IQCH: variants seen among roughly 807,000 people sequenced by gnomAD.
IQCH encodes IQ domain-containing protein H.
A neutral mutation model predicts 117.0 loss-of-function variants in IQCH; 98 were observed. The ratio of observed to expected loss-of-function variants is 0.84; its 90% CI spans 0.71 to 0.99. The LOEUF (loss-of-function observed/expected upper bound fraction) is 0.99. Ranked by LOEUF, IQCH falls within the 50% of genes least tolerant of loss-of-function variation. The pLI is 0.00. For synonymous variants in IQCH, 412 were observed against 448.2 expected, an observed-to-expected ratio of 0.92 and a Z score of 1.02; for missense variants, 1,102 against 1,243.8, an observed-to-expected ratio of 0.89 and a Z score of 1.72.
chr15:67,297,180 G>C (rs1966857738), intron 4 of IQCH, among the ~76,000 whole-genome samples: 1 of 152,154 alleles, frequency 6.6e-6, no homozygotes. Context: ...GGAGGTAATA[G>C]AGCATAGAAT....
At chr15:67,330,627 A>G (rs1968623409) in intron 4 of IQCH, among the ~76,000 whole-genome samples, 1 of 152,218 alleles carries the variant, frequency 6.6e-6, no homozygotes, top group Non-Finnish European at 1.5e-5. Flanking sequence ...GCTTGGTGAA[A>G]GCATCAGAAA....
At chr15:67,259,654 C>T (rs1334965142) in intron 1 of IQCH, among the ~76,000 whole-genome samples, 1 of 152,184 alleles carries the variant, frequency 6.6e-6, no homozygotes, top group Non-Finnish European at 1.5e-5. Flanking sequence ...CAGAAAGATA[C>T]ATGGAGCTAC....
At chr15:67,308,679 AGGT>A (rs911710435) in intron 4 of IQCH, among the ~76,000 whole-genome samples, 1 of 151,746 alleles carries the variant, frequency 6.6e-6, no homozygotes, top group South Asian at 2.1e-4. Context: ...ATGGCAGTGA[AGGT>A]GGTGGTGGTG....
Position 67,481,897 on chromosome 15 carries a change from C to T in IQCH, c.2799+6079C>T, listed in dbSNP as rs765107076. On this transcript the variant is annotated intron_variant, in intron 18 of 20. Coordinates refer to ENST00000335894, the MANE Select transcript of IQCH (RefSeq NM_001031715.3). This position sits in a 1 kb window ranked among gnomAD's most constrained non-coding sequence, Gnocchi z 4.1. ...TAAGACTTAAAACAACCCTTGGGCC[C>T]TCAACTATCTACAGGCAGGAAGTGG... is the stretch of plus-strand genomic sequence containing the variant. Among the ~76,000 whole-genome samples the T allele has an allele frequency of 6.2e-4, 94 of 152,182 alleles. No homozygotes were observed. The highest frequency in any genetic ancestry group is 1.2e-3 in the Non-Finnish European group (80 of 68,040).
Position 67,400,118 on chromosome 15 carries a change from T to C in IQCH, c.1910T>C (p.Ile637Thr). ...GCTGTGTCTTTGGCCTCACAGATGA[T>C]AGAGCAGCTGAGTCAGCTGATAACT... ...IYDIYSQQQMIEQLSQLITDH... is the reference protein window; with the variant it reads ...IYDIYSQQQMTEQLSQLITDH... Residue 637 changes from isoleucine (I) to threonine (T), a missense_variant, in exon 14 of 21, where the codon ATA becomes ACA. This residue lies in a region of IQCH where 650 missense variants were observed against 794.3 expected (regional missense o/e 0.82). Coordinates refer to ENST00000335894, the MANE Select transcript of IQCH (RefSeq NM_001031715.3). 17 of 1,613,160 alleles carry C rather than the reference T, an allele frequency of 1.1e-5. No homozygotes were observed. Among genetic ancestry groups the C allele is most frequent in the Non-Finnish European group, 1.4e-5 (16 of 1,179,322 alleles).
Position 67,366,818 on chromosome 15 carries a change from A to G in IQCH, c.754-5293A>G, listed in dbSNP as rs1055807582. Among the ~76,000 whole-genome samples, 1 of 152,160 alleles carries G rather than the reference A, an allele frequency of 6.6e-6. No individual in the cohort carries two copies. The highest frequency in any genetic ancestry group is 2.4e-5 in the African/African-American group (1 of 41,432). ...TTCTCTCCCCATGACCACCTTTACC[A>G]TTAGGTGGTGTGGGCAGTCGTTCAT... On this transcript the variant is annotated intron_variant, in intron 8 of 20. Transcript: ENST00000335894. The surrounding 1 kb of genome is among the most constrained non-coding windows in gnomAD (Gnocchi z 4.4).
rs1345188492 is a variant in IQCH at position 67,494,225 on chromosome 15, T to C, written c.2862-33T>C. 1.3e-6 allele frequency: 2 copies of C among 1,504,682 alleles called. No homozygotes were observed. The highest frequency in any genetic ancestry group is 4.6e-5 in the East Asian group (2 of 43,278). The allele number at this position is 1,504,682 out of a possible 1,614,324, so 93.2% of individuals were successfully genotyped here. ...TTTTTAAGCATGTGAAGGGAATCGT[T>C]GGTAAACTCATTTGTTTGGATATCA... On this transcript the variant is annotated intron_variant, in intron 19 of 20. Transcript: ENST00000335894. The surrounding 1 kb of genome is among the most constrained non-coding windows in gnomAD (Gnocchi z 5.5).
intron 16 of IQCH, among the ~76,000 whole-genome samples, chr15:67,440,694 A>G (rs1567190911): frequency 2.0e-5 from 3 of 152,150 alleles, no homozygotes; most frequent in African/African-American, 7.2e-5. Context: ...TGTCAGCAAA[A>G]TCGGCATACA....
intron 4 of IQCH, among the ~76,000 whole-genome samples, chr15:67,295,942 C>G (rs1966849768): frequency 1.3e-5 from 2 of 152,178 alleles, no homozygotes; most frequent in Non-Finnish European, 2.9e-5. Flanking sequence ...TAATTGTTGT[C>G]TCCTCAGAGA....
At chr15:67,346,638 A>G (rs928152650) in intron 6 of IQCH, among the ~76,000 whole-genome samples, 1 of 152,224 alleles carries the variant, frequency 6.6e-6, no homozygotes, top group African/African-American at 2.4e-5. Context: ...AATGGGCCAC[A>G]GTACCCAGTC....
chr15:67,269,758 A>ACTTT, intron 3 of IQCH, among the ~76,000 whole-genome samples: 1 of 88,030 alleles, frequency 1.1e-5, no homozygotes. Context: ...TTCTGTACTT[A>ACTTT]TTTCACTCAA....
chr15:67,256,532 C>T (rs575353821), intron 1 of IQCH, among the ~76,000 whole-genome samples: 5 of 152,340 alleles, frequency 3.3e-5, no homozygotes, highest in African/African-American at 9.6e-5. Flanking sequence ...GACAAAGACA[C>T]TTCTATCAGG....
intron 1 of IQCH, among the ~76,000 whole-genome samples, chr15:67,256,291 T>G (rs528142155): frequency 6.6e-6 from 1 of 152,218 alleles, no homozygotes; most frequent in Non-Finnish European, 1.5e-5. Context: ...AGCCATGATA[T>G]GTGACAATAT....
chr15:67,262,991 G>A, intron 2 of IQCH, 131 bp from the exon 3 acceptor site: 2 of 652,140 alleles, frequency 3.1e-6, no homozygotes, highest in South Asian at 3.4e-5. Flanking sequence ...GATACCTTAG[G>A]CACGTAATAA....
At chr15:67,262,318 TG>T (rs1156660636) in intron 2 of IQCH, among the ~76,000 whole-genome samples, 3 of 152,220 alleles carry the variant, frequency 2.0e-5, no homozygotes, top group Non-Finnish European at 4.4e-5. Context: ...AACAAGCTAA[TG>T]GGGTCCATCT....
Position 67,404,255 on chromosome 15 carries a change from CCTTTTAGAA to C in IQCH, c.2097+3953_2097+3961del, listed in dbSNP as rs1971789671. Reference sequence around the variant, plus strand: ...AGAATAAACCACAGTTGTTTTGCCTCCTTTTAGAACTAAGGCAGCAAACAGAAAACACAA... The same window carrying C: ...AGAATAAACCACAGTTGTTTTGCCTCCTAAGGCAGCAAACAGAAAACACAA... On this transcript the variant is annotated intron_variant, in intron 14 of 20. Transcript: ENST00000335894. The surrounding 1 kb of genome is among the most constrained non-coding windows in gnomAD (Gnocchi z 4.6). 1 of 152,168 alleles carries C rather than the reference CCTTTTAGAA, an allele frequency of 6.6e-6. No homozygotes were observed. Among genetic ancestry groups the C allele is most frequent in the South Asian group, 2.1e-4 (1 of 4,826 alleles). The allele number at this position is 152,168 out of a possible 1,614,324, so 9.4% of individuals were successfully genotyped here. A position where few individuals can be genotyped will look rare whatever the true frequency, so the allele number is the denominator to read the frequency against.
intron 4 of IQCH, among the ~76,000 whole-genome samples, chr15:67,295,952 A>G (rs1242323313): frequency 6.6e-6 from 1 of 152,160 alleles, no homozygotes; most frequent in African/African-American, 2.4e-5. Flanking sequence ...CTCCTCAGAG[A>G]GGCTGTTCTT....
At chr15:67,487,645 G>A (rs7172882) in intron 18 of IQCH, among the ~76,000 whole-genome samples, 132,348 of 152,108 alleles carry the variant, frequency 0.87, 57,656 homozygotes, top group African/African-American at 0.91. Context: ...CCGAGACCAA[G>A]TAAATCAGCA....
intron 4 of IQCH, among the ~76,000 whole-genome samples, chr15:67,326,221 G>GT (rs939225564): frequency 6.6e-6 from 1 of 152,056 alleles, no homozygotes; most frequent in African/African-American, 2.4e-5. Context: ...GTGGTGTTTG[G>GT]TTTTTTTGTC....
Sources: allele counts gnomAD v4.1 joint callset (sites outside exome capture counted in the v4.1 genomes callset), GRCh38; gene constraint gnomAD v4.1.1; regional missense constraint gnomAD v4.1.1; non-coding constraint Gnocchi (gnomAD v3.1); transcripts MANE v1.5; gene names NCBI Gene and HGNC (gene_info 2026-07-23, HGNC 2026-07-21).